The following RTL1 variants were observed in gnomAD, a reference collection of about 807,000 sequenced individuals.
RTL1 encodes retrotransposon-like protein 1.
For missense variants in RTL1, 1,681 were observed against 1,767.5 expected (o/e 0.95, Z 0.88); for synonymous variants, 727 against 748.4 (o/e 0.97, Z 0.47).
chr14:100,900,858 C>T (rs548222910), intron 2 of RTL1, among the ~76,000 whole-genome samples: 80 of 152,332 alleles, frequency 5.3e-4, no homozygotes, highest in African/African-American at 1.9e-3. Context: ...CTCTCCCAAA[C>T]ATTTTCACAC....
Position 100,883,448 on chromosome 14 carries a change from G to C in RTL1, c.1341C>G (p.Tyr447Ter). ...GGTACGGCTTCTCGTAGAGCTCGACGTAGTGCTCTTGGGCGAACTTCTCAT... is the reference window on the plus strand; with the variant it reads ...GGTACGGCTTCTCGTAGAGCTCGACCTAGTGCTCTTGGGCGAACTTCTCAT... Reference protein sequence around the residue: ...FMDEKFAQEHYVELYEKPYPQ... With the variant: ...FMDEKFAQEH The change falls in exon 4 of 4, where the codon TAC becomes TAG. Residue 447 changes from tyrosine (Y) to a stop codon, truncating the protein, a stop_gained. Coordinates refer to ENST00000649591, the MANE Select transcript of RTL1 (RefSeq NM_001134888.3). LOFTEE classifies it low-confidence loss of function (END_TRUNC). This position sits in a 1 kb window ranked among gnomAD's most constrained non-coding sequence, Gnocchi z 5.9. 1 of 1,551,052 alleles carries C rather than the reference G, an allele frequency of 6.4e-7. No individual in the cohort carries two copies.
In RTL1 at chr14:100,881,403, T is replaced by A. The variant is rs749464951; in HGVS notation, c.3386A>T (p.Asp1129Val). Residue 1129 changes from aspartate to valine, a missense_variant, in exon 4 of 4, where the codon GAT becomes GTT. Asp to Val is a radical substitution (Grantham distance 152). Coordinates refer to ENST00000649591, the MANE Select transcript of RTL1 (RefSeq NM_001134888.3). This position sits in a 1 kb window ranked among gnomAD's most constrained non-coding sequence, Gnocchi z 6.6. Reference protein sequence around the residue: ...QPQRSLRLILDSSLIAGSSIT... With the variant: ...QPQRSLRLILVSSLIAGSSIT... Reference sequence around the variant, plus strand: ...GCTGCTGCCTGCGATGAGGGACGAATCCAGGATGAGTCGTAGGGAGCGCTG... The same window carrying A: ...GCTGCTGCCTGCGATGAGGGACGAAACCAGGATGAGTCGTAGGGAGCGCTG... 12 of 1,550,554 alleles carry A rather than the reference T, an allele frequency of 7.7e-6. No individual in the cohort carries two copies. The highest frequency in any genetic ancestry group is 1.0e-5 in the Non-Finnish European group (12 of 1,146,952).
rs899392014 is a variant in RTL1, at chr14:100,883,274, G to A, written c.1515C>T (p.Gly505=). ...VPSPNFSVVL[G]IRWLRVHAPE... ...GGGCGTGGACTCGGAGCCAGCGGAT[G>A]CCTAGGACCACAGAGAAGTTCGGTG... The change falls in exon 4 of 4, where the codon GGC becomes GGT. Residue 505 remains glycine (G), a synonymous_variant. Transcript: ENST00000649591. This position sits in a 1 kb window ranked among gnomAD's most constrained non-coding sequence, Gnocchi z 5.9. 7.7e-6 allele frequency: 12 copies of A among 1,551,092 alleles called. No individual in the cohort carries two copies. The highest frequency in any genetic ancestry group is 7.8e-6 in the Non-Finnish European group (9 of 1,146,734).
rs750432455 is a variant in RTL1 at position 100,883,790 on chromosome 14, C to T, written c.999G>A (p.Glu333=). 1 of 1,551,700 alleles carries T rather than the reference C, an allele frequency of 6.4e-7. No homozygotes were observed. The highest frequency in any genetic ancestry group is 1.2e-5 in the South Asian group (1 of 84,054). ...QAHLCQGLNE[E]IRHYLFRVPQ... ...GGACCCGGAATAGATAGTGCCTGAT[C>T]TCCTCGTTGAGCCCCTGGCACAAGT... The change falls in exon 4 of 4, where the codon GAG becomes GAA. Residue 333 remains glutamate (E), a synonymous_variant. Transcript: ENST00000649591. This position sits in a 1 kb window ranked among gnomAD's most constrained non-coding sequence, Gnocchi z 5.9.
Position 100,883,102 on chromosome 14 carries a change from C to G in RTL1, c.1687G>C (p.Ala563Pro). 3.7e-6 allele frequency: 6 copies of G among 1,613,484 alleles called. No homozygotes were observed. Among genetic ancestry groups the G allele is most frequent in the Non-Finnish European group, 4.2e-6 (5 of 1,179,794 alleles). Residue 563 changes from alanine (A) to proline (P), a missense_variant, in exon 4 of 4, where the codon GCC becomes CCC. Ala to Pro is a conservative substitution (Grantham distance 27, BLOSUM62 -1). Coordinates refer to ENST00000649591, the MANE Select transcript of RTL1 (RefSeq NM_001134888.3). This position sits in a 1 kb window ranked among gnomAD's most constrained non-coding sequence, Gnocchi z 5.9. ...GCTTCCTTCGGGTTAAACACGTCGG[C>G]CAGGTCTGAGTATGGGTGTGGCAGT... ...PGLPHPYSDL[A>P]DVFNPKEADD... is the part of the protein sequence containing the mutation.
chr14:100,881,706 G>A lies in RTL1; in HGVS notation c.3083C>T (p.Thr1028Met), dbSNP rs533536271. Residue 1028 changes from threonine (T) to methionine (M), a missense_variant, in exon 4 of 4, where the codon ACG (threonine) becomes ATG (methionine). Coordinates refer to ENST00000649591, the MANE Select transcript of RTL1 (RefSeq NM_001134888.3). The surrounding 1 kb of genome is among the most constrained non-coding windows in gnomAD (Gnocchi z 6.6). ...ASRGFPRDPS[T>M]ESGEEENEEQ... ...TTCATTCTCTTCTTCCCCGGATTCC[G>A]TCGATGGATCCCTGGGGAATCCCCT... 4 of 1,580,554 alleles carry A rather than the reference G, an allele frequency of 2.5e-6. No homozygotes were observed. The African/African-American group carries it at 4.1e-5, about 16-fold the overall frequency.
chr14:100,893,290 A>G lies in RTL1; in HGVS notation c.-87+154T>C, dbSNP rs748763597. ...AAGTATTTGAATAGAGGCCTTGAGT[A>G]CACACCACCATGTCATGGTTTTTTC... On this transcript the variant is annotated intron_variant, in intron 3 of 3. Transcript: ENST00000649591. This position sits in a 1 kb window ranked among gnomAD's most constrained non-coding sequence, Gnocchi z 4.2. 1.3e-4 allele frequency among the ~76,000 whole-genome samples: 20 copies of G among 152,192 alleles called. No individual in the cohort carries two copies. The highest frequency in any genetic ancestry group is 2.8e-4 in the Non-Finnish European group (19 of 68,032).
intron 2 of RTL1, among the ~76,000 whole-genome samples, chr14:100,900,998 C>T (rs1230629878): frequency 6.6e-6 from 1 of 152,166 alleles, no homozygotes; most frequent in Non-Finnish European, 1.5e-5. Context: ...GCTGCCAGGG[C>T]CGTCTGTCTG....
chr14:100,888,071 C>G (rs575264975), intron 3 of RTL1, among the ~76,000 whole-genome samples: 16 of 152,208 alleles, frequency 1.1e-4, no homozygotes, highest in Non-Finnish European at 2.1e-4. Flanking sequence ...ACAAAACCCT[C>G]ATCAATTTAC....
chr14:100,899,514 T>C (rs1595346238), intron 2 of RTL1, among the ~76,000 whole-genome samples: 1 of 152,042 alleles, frequency 6.6e-6, no homozygotes, highest in Non-Finnish European at 1.5e-5. Context: ...AGCATCCCCC[T>C]GGGGAGCTTG....
intron 3 of RTL1, among the ~76,000 whole-genome samples, chr14:100,890,912 G>A (rs952623479): frequency 7.2e-5 from 11 of 152,104 alleles, no homozygotes; most frequent in African/African-American, 1.9e-4. Flanking sequence ...ATTATTTATC[G>A]ATTATTATTA....
intron 3 of RTL1, among the ~76,000 whole-genome samples, chr14:100,889,045 C>T (rs1245389448): frequency 6.6e-6 from 1 of 152,204 alleles, no homozygotes; most frequent in African/African-American, 2.4e-5. Context: ...TGTTTTTCTG[C>T]ATACTTATCT....
rs1264016897 is a variant in RTL1 at position 100,903,705 on chromosome 14, C to T, written c.-345G>A. On this transcript the variant is annotated 5_prime_UTR_variant, in exon 1 of 4. Transcript: ENST00000649591. ...TGAAGGCTGCTCAGCGAGGCTGTGC[C>T]GAGTGCTGGGGGGGTGTGGGTGGGC... Among the ~76,000 whole-genome samples the T allele has an allele frequency of 6.6e-6, 1 of 152,108 alleles. No homozygotes were observed. Among genetic ancestry groups the T allele is most frequent in the Non-Finnish European group, 1.5e-5 (1 of 68,008 alleles).
Position 100,883,742 on chromosome 14 carries a change from A to C in RTL1, c.1047T>G (p.Ser349Arg). Residue 349 changes from serine (S) to arginine (R), a missense_variant, in exon 4 of 4, where the codon AGT becomes AGG. Transcript: ENST00000649591. This position sits in a 1 kb window ranked among gnomAD's most constrained non-coding sequence, Gnocchi z 5.9. ...CTATTTGCAGGATGAGCACAATCAG[A>C]CTGTCTAGGGAATCCGGCTGAGGGA... ...FRVPQPDSLDSLIVLILQIEE... is the reference protein window; with the variant it reads ...FRVPQPDSLDRLIVLILQIEE... 1 of 1,551,526 alleles carries C rather than the reference A, an allele frequency of 6.4e-7. No homozygotes were observed. Among genetic ancestry groups the C allele is most frequent in the Non-Finnish European group, 8.7e-7 (1 of 1,146,948 alleles).
chr14:100,899,870 C>T (rs950656048), intron 2 of RTL1, among the ~76,000 whole-genome samples: 1 of 152,198 alleles, frequency 6.6e-6, no homozygotes, highest in Non-Finnish European at 1.5e-5. Flanking sequence ...AATGCTTAAC[C>T]CCCTCCCTGA....
At chr14:100,896,896 C>T (rs2038864562) in intron 2 of RTL1, among the ~76,000 whole-genome samples, 1 of 152,192 alleles carries the variant, frequency 6.6e-6, no homozygotes, top group Non-Finnish European at 1.5e-5. Context: ...CACCGCCTGG[C>T]CCCATCTCAT....
rs951599317 is a variant in RTL1, at chr14:100,903,719, G to A, written c.-359C>T. Among the ~76,000 whole-genome samples the A allele has an allele frequency of 6.6e-6, 1 of 152,190 alleles. No homozygotes were observed. The highest frequency in any genetic ancestry group is 1.5e-5 in the Non-Finnish European group (1 of 68,024). The stretch of plus-strand genomic sequence containing the variant: ...CGAGGCTGTGCCGAGTGCTGGGGGG[G>A]TGTGGGTGGGCAGGGGACGGATTGA... On this transcript the variant is annotated 5_prime_UTR_variant, in exon 1 of 4. Transcript: ENST00000649591.
In RTL1 at chr14:100,881,228, C is replaced by T. The variant is rs61368742; in HGVS notation, c.3561G>A (p.Gln1187=). The change falls in exon 4 of 4, where the codon CAG becomes CAA. Residue 1187 remains glutamine, a synonymous_variant. Transcript: ENST00000649591. This position sits in a 1 kb window ranked among gnomAD's most constrained non-coding sequence, Gnocchi z 6.6. The part of the protein sequence containing the change: ...ALHSQAHRGL[Q]FTPGFWLTLC... ...GCGTCAGCCAGAAGCCAGGGGTGAA[C>T]TGCAGGCCTCGGTGGGCCTGGGAGT... 4,367 of 1,547,142 alleles carry T rather than the reference C, an allele frequency of 2.8e-3. 117 individuals carry two copies. The African/African-American group carries it at 0.053, about 19-fold the overall frequency.
At position 100,884,764 on chromosome 14, in the gene RTL1, A is replaced by T; in HGVS notation, c.25T>A (p.Phe9Ile). Residue 9 changes from phenylalanine (F) to isoleucine (I), a missense_variant, in exon 4 of 4, where the codon TTT becomes ATT. Phe to Ile is a conservative substitution (Grantham distance 21). Transcript: ENST00000649591. The part of the protein sequence containing the change: MIEPSEDS[F>I]ETMMEHKNPS... ...TTCTTATGCTCCATCATCGTCTCAAATGAGTCTTCAGAGGGTTCTATCATT... is the reference window on the plus strand; with the variant it reads ...TTCTTATGCTCCATCATCGTCTCAATTGAGTCTTCAGAGGGTTCTATCATT... 2 of 1,589,692 alleles carry T rather than the reference A, an allele frequency of 1.3e-6. No homozygotes were observed. Among genetic ancestry groups the T allele is most frequent in the Non-Finnish European group, 1.7e-6 (2 of 1,168,394 alleles).
Sources: gnomAD v4.1 joint callset for allele counts (sites outside exome capture counted in the v4.1 genomes callset) on GRCh38, gnomAD v4.1.1 for gene constraint, Gnocchi (gnomAD v3.1) non-coding constraint, MANE v1.5 for transcripts, NCBI Gene and HGNC (gene_info 2026-07-23, HGNC 2026-07-21) for gene names.